SLC44A3: variants seen among roughly 807,000 people sequenced by gnomAD.
SLC44A3 encodes solute carrier family 44 member 3.
A neutral mutation model predicts 75.4 loss-of-function variants in SLC44A3; 74 were observed. That is an observed-to-expected ratio of 0.98 (90% confidence interval 0.81 to 1.19). The LOEUF (loss-of-function observed/expected upper bound fraction) is 1.19. SLC44A3 is among the 50% of genes most tolerant of loss of function. The pLI, the probability that SLC44A3 is intolerant of heterozygous loss-of-function variation, is 0.00. For synonymous variants in SLC44A3, 310 were observed against 296.9 expected, an observed-to-expected ratio of 1.04 and a Z score of -0.45; for missense variants, 700 against 778.6, an observed-to-expected ratio of 0.90 and a Z score of 1.20.
At chr1:94,846,769 G>A (rs1232389561) in intron 9 of SLC44A3, among the ~76,000 whole-genome samples, 1 of 152,224 alleles carries the variant, frequency 6.6e-6, no homozygotes, top group Non-Finnish European at 1.5e-5. Context: ...GACTGATAAG[G>A]ACCACAGCTG....
intron 9 of SLC44A3, 62 bp from the exon 10 acceptor site, chr1:94,857,273 T>A (rs893540357): frequency 6.9e-7 from 1 of 1,451,298 alleles, no homozygotes; most frequent in East Asian, 2.5e-5. Context: ...CATGGCTTGT[T>A]GAACCATGGT....
rs1382721720 is a variant in SLC44A3 at position 94,864,773 on chromosome 1, C to G, written c.1269C>G (p.Ile423Met). The G allele has an allele frequency of 3.1e-6, 5 of 1,613,848 alleles. No individual in the cohort carries two copies. Among genetic ancestry groups the G allele is most frequent in the Non-Finnish European group, 4.2e-6 (5 of 1,179,914 alleles). The change falls in exon 11 of 15, where the codon ATC (isoleucine) becomes ATG (methionine). Residue 423 changes from isoleucine to methionine, a missense_variant. By Grantham distance (10) the Ile-to-Met change is conservative. Coordinates refer to ENST00000271227, the MANE Select transcript of SLC44A3 (RefSeq NM_001114106.3). The part of the protein sequence containing the change: ...RSKNDPPDHP[I>M]LSSLSILFFY... ...AAAATGATCCTCCTGATCATCCCAT[C>G]CTTTCGTCTCTCTCCATTCTCTTCT... is the stretch of plus-strand genomic sequence containing the variant.
chr1:94,825,978 G>T (rs773592051), intron 3 of SLC44A3: 27 of 453,460 alleles, frequency 6.0e-5, no homozygotes, highest in Non-Finnish European at 8.9e-5. Context: ...AAAGCCAAAA[G>T]GTAGAAGCAA....
chr1:94,820,532 TC>T, intron 1 of SLC44A3, 54 bp downstream of exon 1: 10 of 1,469,636 alleles, frequency 6.8e-6, no homozygotes, highest in Non-Finnish European at 9.0e-6. Flanking sequence ...AAGGGTCGAG[TC>T]CCCCGCCTTC....
At chr1:94,847,953 G>A (rs1156705961) in intron 9 of SLC44A3, among the ~76,000 whole-genome samples, 2 of 152,156 alleles carry the variant, frequency 1.3e-5, no homozygotes, top group Admixed American at 1.3e-4. Context: ...TTTAGGCCGG[G>A]TGCAGTGGCT....
chr1:94,862,121 A>G (rs1457399808), intron 10 of SLC44A3, among the ~76,000 whole-genome samples: 1 of 152,204 alleles, frequency 6.6e-6, no homozygotes, highest in Non-Finnish European at 1.5e-5. Flanking sequence ...CATTTTCTGT[A>G]GAATAGGAAA....
intron 8 of SLC44A3, among the ~76,000 whole-genome samples, chr1:94,845,007 T>C (rs1664215881): frequency 6.6e-6 from 1 of 152,224 alleles, no homozygotes; most frequent in African/African-American, 2.4e-5. Flanking sequence ...ATTCTCATTT[T>C]ATCTTTTTCA....
intron 10 of SLC44A3, among the ~76,000 whole-genome samples, chr1:94,860,382 TA>T (rs1230274907): frequency 1.3e-5 from 2 of 151,910 alleles, no homozygotes; most frequent in African/African-American, 4.8e-5. Context: ...GAGAAAGGAT[TA>T]AAAGAGGATA....
At chr1:94,827,763 G>A in intron 4 of SLC44A3, 120 bp downstream of exon 4, 1 of 1,250,936 alleles carries the variant, frequency 8.0e-7, no homozygotes, top group South Asian at 1.5e-5. Context: ...ACTTCCTTGT[G>A]GGTGCCTCTT....
rs550036864 is a variant in SLC44A3, at chr1:94,879,510, C to T, written c.1483-11620C>T. On this transcript the variant is annotated intron_variant, in intron 12 of 14. Coordinates refer to ENST00000271227, the MANE Select transcript of SLC44A3 (RefSeq NM_001114106.3). ...TCATGCCACTGCACTCCAGCCTGGGCGACAGAGCGAGACTCCGTCTCAAAA... is the reference window on the plus strand; with the variant it reads ...TCATGCCACTGCACTCCAGCCTGGGTGACAGAGCGAGACTCCGTCTCAAAA... Among the ~76,000 whole-genome samples, 67 of 132,622 alleles carry T rather than the reference C, an allele frequency of 5.1e-4. No homozygotes were observed. The South Asian group carries it at 7.1e-3, about 14-fold the overall frequency. 87.0% of individuals were successfully genotyped at this position (132,622 alleles called of 152,430 possible).
chr1:94,826,747 C>T (rs945854488), intron 3 of SLC44A3, among the ~76,000 whole-genome samples: 24 of 152,150 alleles, frequency 1.6e-4, no homozygotes, highest in Admixed American at 1.3e-3. Flanking sequence ...ATCTGTTCCT[C>T]ATCTCCTGTT....
At chr1:94,881,434 G>A (rs12088775) in intron 12 of SLC44A3, among the ~76,000 whole-genome samples, 9 of 152,344 alleles carry the variant, frequency 5.9e-5, no homozygotes, top group Middle Eastern at 3.4e-3. Context: ...GCCAGGCGCG[G>A]TGGCTGATGC....
intron 5 of SLC44A3, among the ~76,000 whole-genome samples, chr1:94,831,241 C>G (rs1200740430): frequency 6.6e-6 from 1 of 152,132 alleles, no homozygotes; most frequent in East Asian, 1.9e-4. Flanking sequence ...AAGACAAAAC[C>G]CTTGACTGAG....
chr1:94,894,778 G>T, intron 14 of SLC44A3, 40 bp from the exon 15 acceptor site: 3 of 1,544,286 alleles, frequency 1.9e-6, no homozygotes, highest in Non-Finnish European at 2.7e-6. Context: ...CAACAGTACA[G>T]ACACATAATA....
chr1:94,833,748 C>G (rs1159540566), intron 5 of SLC44A3, among the ~76,000 whole-genome samples: 6 of 151,744 alleles, frequency 4.0e-5, no homozygotes, highest in Non-Finnish European at 7.4e-5. Context: ...AGTCACATGA[C>G]AAGTCTAGTA....
intron 10 of SLC44A3, among the ~76,000 whole-genome samples, chr1:94,864,079 T>C (rs1022057294): frequency 8.5e-5 from 13 of 152,234 alleles, no homozygotes; most frequent in Admixed American, 7.9e-4. Context: ...GTGATGGCTG[T>C]GCCCATTCTG....
At chr1:94,843,828 C>T (rs890631704) in intron 8 of SLC44A3, among the ~76,000 whole-genome samples, 11 of 120,098 alleles carry the variant, frequency 9.2e-5, no homozygotes, top group African/African-American at 3.5e-4. Flanking sequence ...TTGCGCTTTA[C>T]AAAGGTCCCC....
At chr1:94,861,143 G>A (rs965752422) in intron 10 of SLC44A3, among the ~76,000 whole-genome samples, 24 of 152,192 alleles carry the variant, frequency 1.6e-4, no homozygotes, top group African/African-American at 5.5e-4. Flanking sequence ...TAGATCAGTT[G>A]TGAATATTAT....
At chr1:94,833,326 G>A (rs544347736) in intron 5 of SLC44A3, among the ~76,000 whole-genome samples, 128 of 152,288 alleles carry the variant, frequency 8.4e-4, no homozygotes, top group African/African-American at 2.9e-3. Flanking sequence ...TCTTTCAGCT[G>A]CAGTGCCTTT....
Sources: gnomAD v4.1 joint callset for allele counts (sites outside exome capture counted in the v4.1 genomes callset) on GRCh38, gnomAD v4.1.1 for gene constraint, MANE v1.5 for transcripts, NCBI Gene and HGNC (gene_info 2026-07-23, HGNC 2026-07-21) for gene names.